The following PDE7A variants were observed in gnomAD, a reference collection of about 807,000 sequenced individuals.
PDE7A encodes phosphodiesterase 7A, also known as high affinity 3',5'-cyclic-AMP phosphodiesterase 7A.
In PDE7A, 39 loss-of-function variants were observed where a neutral mutation model predicts 64.3. That is an observed-to-expected ratio of 0.61 (90% CI 0.47 to 0.79). The LOEUF (loss-of-function observed/expected upper bound fraction) is 0.79, where lower values mean the gene tolerates loss of function less well. Among genes scored for constraint, PDE7A ranks in the 30% least tolerant of loss-of-function variants. PDE7A has a pLI of 0.00. For missense variants in PDE7A, 470 were observed against 582.8 expected, an observed-to-expected ratio of 0.81 and a Z score of 1.99; for synonymous variants, 203 against 206.8, an observed-to-expected ratio of 0.98 and a Z score of 0.16.
chr8:65,812,478 A>G (rs527364424), intron 1 of PDE7A, among the ~76,000 whole-genome samples: 1 of 152,316 alleles, frequency 6.6e-6, no homozygotes, highest in Admixed American at 6.5e-5. Context: ...AGAACTGTAT[A>G]AGAACACAAC....
In PDE7A at chr8:65,719,232, C is replaced by A. The variant is rs909381161; in HGVS notation, c.*58G>T. On this transcript the variant is annotated 3_prime_UTR_variant, in exon 13 of 13. Transcript: ENST00000401827. ...AGAGTTAAGTTCTCTCACCTCAAGA[C>A]CCCATTTCACATTTCTAAAAACCTC... The A allele has an allele frequency of 5.1e-6, 6 of 1,167,650 alleles. No individual in the cohort carries two copies. The African/African-American group carries it at 9.1e-5, about 18-fold the overall frequency. 72.3% of individuals were successfully genotyped at this position (1,167,650 alleles called of 1,614,324 possible).
At chr8:65,729,726 C>CTTT (rs34749293) in intron 7 of PDE7A, among the ~76,000 whole-genome samples, 1 of 140,734 alleles carries the variant, frequency 7.1e-6, no homozygotes, top group Non-Finnish European at 1.6e-5. Flanking sequence ...CCATGCCTGA[C>CTTT]TTTTTTTTTT....
At chr8:65,774,205 CT>C (rs1809191089) in intron 3 of PDE7A, among the ~76,000 whole-genome samples, 2 of 152,166 alleles carry the variant, frequency 1.3e-5, no homozygotes, top group African/African-American at 4.8e-5. Context: ...TCCTTGCTTC[CT>C]TTTCTAAAAC....
At chr8:65,840,061 G>A (rs893045994) in intron 1 of PDE7A, among the ~76,000 whole-genome samples, 1 of 152,172 alleles carries the variant, frequency 6.6e-6, no homozygotes, top group Non-Finnish European at 1.5e-5. Context: ...TTCTTCAGCA[G>A]TGCATTAAGA....
chr8:65,778,821 G>A (rs776980286), intron 3 of PDE7A, among the ~76,000 whole-genome samples: 3 of 152,188 alleles, frequency 2.0e-5, no homozygotes, highest in Non-Finnish European at 4.4e-5. Context: ...TAATGTATTC[G>A]GTGAGTGAGA....
intron 1 of PDE7A, among the ~76,000 whole-genome samples, chr8:65,812,602 C>G (rs199918975): frequency 6.6e-6 from 1 of 152,038 alleles, no homozygotes; most frequent in African/African-American, 2.4e-5. Flanking sequence ...CCACCACACA[C>G]AAAAAAACTA....
At chr8:65,723,708 T>G in intron 11 of PDE7A, 87 bp from the exon 12 acceptor site, 1 of 935,752 alleles carries the variant, frequency 1.1e-6, no homozygotes, top group Non-Finnish European at 1.5e-6. Context: ...CCTGTGCATT[T>G]CTTAGGAAAA....
chr8:65,739,725 A>G (rs909913612), intron 5 of PDE7A, 128 bp from the exon 6 acceptor site: 13 of 988,744 alleles, frequency 1.3e-5, no homozygotes, highest in African/African-American at 3.4e-5. Context: ...TGTCTATCAA[A>G]AATATGCATC....
chr8:65,841,224 A>C (rs1474830361), intron 1 of PDE7A, 147 bp downstream of exon 1: 4 of 927,712 alleles, frequency 4.3e-6, no homozygotes, highest in Non-Finnish European at 5.9e-6. Context: ...TATTCAAAGA[A>C]AAGGCTCTGC....
chr8:65,744,799 CATGATG>C (rs1286573080), intron 5 of PDE7A, among the ~76,000 whole-genome samples: 3 of 152,112 alleles, frequency 2.0e-5, no homozygotes, highest in Non-Finnish European at 4.4e-5. Context: ...TCTGCCAAGT[CATGATG>C]ATGATGATAC....
intron 4 of PDE7A, 123 bp from the exon 5 acceptor site, chr8:65,745,593 T>C (rs922700009): frequency 2.6e-5 from 16 of 608,534 alleles, no homozygotes; most frequent in Admixed American, 6.4e-5. Flanking sequence ...AATACAAGTA[T>C]CATTTTTCTT....
chr8:65,767,537 C>T (rs1808850517), intron 3 of PDE7A, among the ~76,000 whole-genome samples: 1 of 152,192 alleles, frequency 6.6e-6, no homozygotes, highest in African/African-American at 2.4e-5. Context: ...CCTCCTTTCA[C>T]CTGTTTCAAT....
chr8:65,747,812 A>G lies in PDE7A; in HGVS notation c.284-9T>C, dbSNP rs758417145. ...TTCAATTTCAGATTGAGCTGAAATA[A>G]AAAGAATAAAAGGTAAGTATAGCAA... On this transcript the variant is annotated splice_polypyrimidine_tract_variant and intron_variant, in intron 3 of 12. Transcript: ENST00000401827. The G allele has an allele frequency of 3.3e-5, 52 of 1,588,076 alleles. No homozygotes were observed. The highest frequency in any genetic ancestry group is 6.9e-6 in the Non-Finnish European group (8 of 1,161,950).
At chr8:65,788,477 T>C (rs189377011) in intron 1 of PDE7A, among the ~76,000 whole-genome samples, 108 of 152,314 alleles carry the variant, frequency 7.1e-4, no homozygotes, top group Non-Finnish European at 1.2e-3. Context: ...AAGTTTATAA[T>C]TGTTTAGAAA....
At chr8:65,807,598 C>T (rs77201153) in intron 1 of PDE7A, among the ~76,000 whole-genome samples, 3,081 of 152,238 alleles carry the variant, frequency 0.02, 126 homozygotes, top group African/African-American at 0.07. Flanking sequence ...ACATGCTTAC[C>T]TTGTTCCTGG....
intron 7 of PDE7A, among the ~76,000 whole-genome samples, chr8:65,732,665 C>T (rs1806949061): frequency 6.6e-6 from 1 of 152,178 alleles, no homozygotes; most frequent in African/African-American, 2.4e-5. Flanking sequence ...AGGTACACAC[C>T]ACCATGCCCA....
At chr8:65,749,085 C>A (rs932090222) in intron 3 of PDE7A, among the ~76,000 whole-genome samples, 2 of 152,206 alleles carry the variant, frequency 1.3e-5, no homozygotes, top group Admixed American at 6.5e-5. Context: ...ACATTCAGTA[C>A]ACTGCCCCTA....
intron 6 of PDE7A, among the ~76,000 whole-genome samples, chr8:65,735,189 C>G (rs1183104464): frequency 6.6e-6 from 1 of 152,186 alleles, no homozygotes; most frequent in Non-Finnish European, 1.5e-5. Flanking sequence ...ATCCAGTGGT[C>G]TCAAAGGAAA....
intron 1 of PDE7A, among the ~76,000 whole-genome samples, chr8:65,823,351 TCTG>T (rs147600214): frequency 1.2e-3 from 181 of 152,316 alleles, no homozygotes; most frequent in Non-Finnish European, 2.4e-3. Flanking sequence ...TAATCTATGT[TCTG>T]CTTTTACCTT....
Sources: allele counts gnomAD v4.1 joint callset (sites outside exome capture counted in the v4.1 genomes callset), GRCh38; gene constraint gnomAD v4.1.1; transcripts MANE v1.5; gene names NCBI Gene and HGNC (gene_info 2026-07-23, HGNC 2026-07-21).